Variants in ZNF438 observed in about 807,000 individuals in gnomAD.
ZNF438 encodes the protein zinc finger protein 438.
Under a neutral mutation model 38.0 loss-of-function variants are expected in ZNF438, and 25 were observed. The ratio of observed to expected loss-of-function variants is 0.66; its 90% CI spans 0.48 to 0.92. ZNF438 has a LOEUF of 0.92. ZNF438 is among the 40% of genes least tolerant of loss of function. The probability of loss-of-function intolerance (pLI) is 0.00; values close to 1 mark genes in which losing one functional copy is unlikely to be tolerated. For synonymous variants in ZNF438, 372 were observed against 364.1 expected, an observed-to-expected ratio of 1.02 and a Z score of -0.25; for missense variants, 1,007 against 999.6, an observed-to-expected ratio of 1.01 and a Z score of -0.10.
chr10:30,942,796 G>A (rs888979413), intron 1 of ZNF438, among the ~76,000 whole-genome samples: 10 of 152,178 alleles, frequency 6.6e-5, no homozygotes, highest in African/African-American at 2.4e-4. Context: ...AGTCTTGTTT[G>A]CTGCACTAAG....
chr10:30,997,575 ATT>A (rs35100326), intron 1 of ZNF438, among the ~76,000 whole-genome samples: 221 of 143,310 alleles, frequency 1.5e-3, no homozygotes, highest in Admixed American at 2.1e-3. Flanking sequence ...ACAAAATCCT[ATT>A]TTTTTTTTTT....
chr10:30,844,703 T>C, exon 6 of ZNF438: 1 of 384,350 alleles, frequency 2.6e-6, no homozygotes. Context: ...ATTTTGATCT[T>C]TTTATTTATT....
chr10:30,850,922 A>T (rs1000463752), intron 4 of ZNF438, among the ~76,000 whole-genome samples: 1 of 152,196 alleles, frequency 6.6e-6, no homozygotes, highest in Non-Finnish European at 1.5e-5. Context: ...CTCAGGATAC[A>T]CCATTTGACC....
chr10:30,856,816 T>C (rs1167954533), intron 4 of ZNF438, among the ~76,000 whole-genome samples: 1 of 152,316 alleles, frequency 6.6e-6, no homozygotes, highest in African/African-American at 2.4e-5. Context: ...AATATTAGGA[T>C]CTTAAATATG....
At chr10:30,982,387 C>T (rs923512396) in intron 1 of ZNF438, among the ~76,000 whole-genome samples, 2 of 152,118 alleles carry the variant, frequency 1.3e-5, no homozygotes, top group Non-Finnish European at 2.9e-5. Flanking sequence ...AGGCATCAGC[C>T]ACCGCGCCCG....
chr10:30,867,282 T>C (rs1002480311), intron 4 of ZNF438, among the ~76,000 whole-genome samples: 2 of 152,044 alleles, frequency 1.3e-5, no homozygotes, highest in African/African-American at 4.8e-5. Context: ...AATTTAAAGA[T>C]ATTTGCAGAA....
At chr10:30,950,619 C>G (rs1276642688) in intron 1 of ZNF438, among the ~76,000 whole-genome samples, 2 of 150,318 alleles carry the variant, frequency 1.3e-5, no homozygotes, top group Admixed American at 1.3e-4. Flanking sequence ...ACTACAAACA[C>G]CTCTATGCAA....
At chr10:30,963,392 C>CA (rs753557823) in intron 1 of ZNF438, among the ~76,000 whole-genome samples, 3,863 of 85,904 alleles carry the variant, frequency 0.045, 222 homozygotes, top group East Asian at 0.29. Flanking sequence ...AACTCCATCT[C>CA]AAAAAAAAAA....
chr10:31,027,866 A>G (rs1043826176), intron 1 of ZNF438, among the ~76,000 whole-genome samples: 1 of 152,196 alleles, frequency 6.6e-6, no homozygotes, highest in Non-Finnish European at 1.5e-5. Context: ...ATAATTTTAT[A>G]TATTTTTAAA....
chr10:30,888,277 A>G (rs930256042), intron 3 of ZNF438, among the ~76,000 whole-genome samples: 2 of 151,972 alleles, frequency 1.3e-5, no homozygotes, highest in African/African-American at 4.8e-5. Context: ...CAATGATGGA[A>G]TTTATGTTTC....
At chr10:30,870,552 A>G (rs1456777118) in intron 4 of ZNF438, among the ~76,000 whole-genome samples, 1 of 152,130 alleles carries the variant, frequency 6.6e-6, no homozygotes, top group Non-Finnish European at 1.5e-5. Context: ...TGCTCTACGG[A>G]GAAAACACTT....
chr10:30,884,171 C>A (rs1203316582), intron 3 of ZNF438, among the ~76,000 whole-genome samples: 2 of 152,122 alleles, frequency 1.3e-5, no homozygotes, highest in African/African-American at 4.8e-5. Context: ...TTCCTAATAT[C>A]TTGGTATTTC....
chr10:31,030,965 C>T (rs906669399), intron 1 of ZNF438, among the ~76,000 whole-genome samples: 21 of 152,220 alleles, frequency 1.4e-4, no homozygotes. Flanking sequence ...TGAAAGCTTC[C>T]TCTGCAAAAC....
At chr10:30,975,316 G>A (rs1307809847) in intron 1 of ZNF438, among the ~76,000 whole-genome samples, 1 of 152,142 alleles carries the variant, frequency 6.6e-6, no homozygotes, top group Non-Finnish European at 1.5e-5. Flanking sequence ...CATTTGAGAG[G>A]AGGTCAGATG....
intron 4 of ZNF438, among the ~76,000 whole-genome samples, chr10:30,851,026 T>C (rs2033523420): frequency 6.6e-6 from 1 of 152,218 alleles, no homozygotes; most frequent in Admixed American, 6.5e-5. Context: ...GAATTTCTTC[T>C]CACACCTTTC....
intron 1 of ZNF438, among the ~76,000 whole-genome samples, chr10:30,973,017 T>C (rs1167788258): frequency 1.3e-5 from 2 of 151,764 alleles, no homozygotes; most frequent in Non-Finnish European, 2.9e-5. Flanking sequence ...GTATCAACAA[T>C]TTTTTTTTCC....
intron 1 of ZNF438, among the ~76,000 whole-genome samples, chr10:30,966,669 C>CAAA (rs11445638): frequency 1.5e-5 from 2 of 129,868 alleles, no homozygotes. Flanking sequence ...GACTCCATCT[C>CAAA]AAAAAAAAAA....
At chr10:30,850,047 G>T (rs1460007360) in exon 5 of ZNF438, 1 of 1,614,030 alleles carries the variant, frequency 6.2e-7, no homozygotes. Flanking sequence ...CTAGGAATAG[G>T]AAGTTTCAGG....
At chr10:30,890,104 GA>G (rs1229234752) in intron 3 of ZNF438, among the ~76,000 whole-genome samples, 75 of 120,882 alleles carry the variant, frequency 6.2e-4, no homozygotes, top group African/African-American at 2.0e-3. Flanking sequence ...AAAAAAAAAA[GA>G]AAAAAAAAGA....
Sources: gnomAD v4.1 joint callset for allele counts (sites outside exome capture counted in the v4.1 genomes callset) on GRCh38, gnomAD v4.1.1 for gene constraint, MANE v1.5 for transcripts, NCBI Gene and HGNC (gene_info 2026-07-23, HGNC 2026-07-21) for gene names.